Variants in HOXB13 observed in about 807,000 individuals in gnomAD.
HOXB13 encodes the protein homeobox B13.
HOXB13 carries 22 observed loss-of-function variants against 23.1 expected under a neutral mutation model. That is an observed-to-expected ratio of 0.95 (90% CI 0.68 to 1.36). The LOEUF (loss-of-function observed/expected upper bound fraction) is 1.36. Ranked by LOEUF, HOXB13 falls within the 40% of genes most tolerant of loss-of-function variation. HOXB13 has a pLI of 0.00. For missense variants in HOXB13, 386 were observed against 376.2 expected (o/e 1.03, Z -0.22); for synonymous variants, 173 against 157.9 (o/e 1.10, Z -0.72).
At position 48,728,011 on chromosome 17, in the gene HOXB13, A is replaced by G. The variant is rs2038229285; in HGVS notation, c.583T>C (p.Trp195Arg). The G allele has an allele frequency of 6.2e-7, 1 of 1,613,920 alleles. No individual in the cohort carries two copies. The highest frequency in any genetic ancestry group is 1.1e-5 in the South Asian group (1 of 91,082). Reference sequence around the variant, plus strand: ...GAGGTACCTGCAAATGCTGCCTTCCAAAAGGGACCTGGTGGGTTCTGTTCT... The same window carrying G: ...GAGGTACCTGCAAATGCTGCCTTCCGAAAGGGACCTGGTGGGTTCTGTTCT... ...QGEQNPPGPF[W>R]KAAFADSSGQ... The change falls in exon 1 of 2, where the codon TGG becomes CGG. Residue 195 changes from tryptophan to arginine, a missense_variant. Trp to Arg is a moderately radical substitution (Grantham distance 101). Coordinates refer to ENST00000290295, the MANE Select transcript of HOXB13 (RefSeq NM_006361.6).
rs754280897 is a variant in HOXB13 at position 48,728,137 on chromosome 17, C to A, written c.457G>T (p.Gly153Cys). ...YLDVSVVQTL[G>C]APGEPRHDSL... ...TCATGTCGCGGTTCTCCAGGAGCAC[C>A]CAGAGTCTGCACCACAGACACGTCC... Residue 153 changes from glycine (G) to cysteine (C), a missense_variant, in exon 1 of 2, where the codon GGT becomes TGT. Gly to Cys is a radical substitution (Grantham distance 159). Coordinates refer to ENST00000290295, the MANE Select transcript of HOXB13 (RefSeq NM_006361.6). 9 of 1,614,184 alleles carry A rather than the reference C, an allele frequency of 5.6e-6. No individual in the cohort carries two copies. Among genetic ancestry groups the A allele is most frequent in the Non-Finnish European group, 7.6e-6 (9 of 1,180,046 alleles).
rs2038190496 is a variant in HOXB13 at position 48,724,916 on chromosome 17, G to T, written c.*1874C>A. 7 of 362,186 alleles carry T rather than the reference G, an allele frequency of 1.9e-5. 1 individual carries two copies. The highest frequency in any genetic ancestry group is 8.3e-5 in the African/African-American group (4 of 47,970). The allele number at this position is 362,186 out of a possible 1,614,324, so 22.4% of individuals were successfully genotyped here. On this transcript the variant is annotated 3_prime_UTR_variant, in exon 2 of 2. Coordinates refer to ENST00000290295, the MANE Select transcript of HOXB13 (RefSeq NM_006361.6). ...AGGGCCATCTCCGTTAGTGGCGGTG[G>T]CAGCCCCTCTTGTGGCCTTTTTCCT...
rs2038213972 is a variant in HOXB13, at chr17:48,726,767, T to G, written c.*23A>C. ...CCCAGGACACCCCCACTTTCGCTCC[T>G]CCCACCCAGGCAAGGAGATCTCTTA... is the stretch of plus-strand genomic sequence containing the variant. On this transcript the variant is annotated 3_prime_UTR_variant, in exon 2 of 2. Transcript: ENST00000290295. The G allele has an allele frequency of 6.2e-7, 1 of 1,610,660 alleles. No individual in the cohort carries two copies. Among genetic ancestry groups the G allele is most frequent in the Non-Finnish European group, 8.5e-7 (1 of 1,177,586 alleles).
At chr17:48,727,190 A>G (rs2038221530) in intron 1 of HOXB13, 147 bp from the exon 2 acceptor site, 1 of 1,012,848 alleles carries the variant, frequency 9.9e-7, no homozygotes, top group African/African-American at 1.6e-5. Flanking sequence ...CCTCCAAAGC[A>G]TACCAGGACA....
chr17:48,726,582 G>A lies in HOXB13; in HGVS notation c.*208C>T. ...CAGGTTCTTTGGGAACCCTGGTGGA[G>A]TGGGCTGTCACATGGGGTTCCGTCT... On this transcript the variant is annotated 3_prime_UTR_variant, in exon 2 of 2. Transcript: ENST00000290295. The A allele has an allele frequency of 1.7e-6, 1 of 597,426 alleles. No individual in the cohort carries two copies. Among genetic ancestry groups the A allele is most frequent in the East Asian group, 2.8e-5 (1 of 35,776 alleles). 37.0% of individuals were successfully genotyped at this position (597,426 alleles called of 1,614,324 possible).
chr17:48,728,260 CCGCGGGGTA>C lies in HOXB13; in HGVS notation c.325_333del (p.Tyr109_Ala111del). On this transcript the variant is annotated inframe_deletion, in exon 1 of 2. Coordinates refer to ENST00000290295, the MANE Select transcript of HOXB13 (RefSeq NM_006361.6). ...TACTCTTCCCCGGCCGTGGGAGTCT[CCGCGGGGTA>C]CGCGGCCAGGGTGGCTGCCTGGGCA... The C allele has an allele frequency of 6.2e-7, 1 of 1,614,192 alleles. No individual in the cohort carries two copies. Among genetic ancestry groups the C allele is most frequent in the Non-Finnish European group, 8.5e-7 (1 of 1,180,042 alleles).
In HOXB13 at chr17:48,728,224, G is replaced by C. The variant is rs1597934325; in HGVS notation, c.370C>G (p.Pro124Ala). The change falls in exon 1 of 2, where the codon CCC becomes GCC. Residue 124 changes from proline (P) to alanine (A), a missense_variant. Pro to Ala is a conservative substitution (Grantham distance 27). Coordinates refer to ENST00000290295, the MANE Select transcript of HOXB13 (RefSeq NM_006361.6). Reference protein sequence around the residue: ...PTAGEEYPSRPTEFAFYPGYP... With the variant: ...PTAGEEYPSRATEFAFYPGYP... ...CCCGGATAGAAGGCAAACTCAGTGG[G>C]GCGGCTGGGGTACTCTTCCCCGGCC... 4 of 1,614,226 alleles carry C rather than the reference G, an allele frequency of 2.5e-6. No individual in the cohort carries two copies. The highest frequency in any genetic ancestry group is 3.4e-6 in the Non-Finnish European group (4 of 1,180,036).
chr17:48,726,733 C>A lies in HOXB13; in HGVS notation c.*57G>T, dbSNP rs141179592. On this transcript the variant is annotated 3_prime_UTR_variant, in exon 2 of 2. Transcript: ENST00000290295. The stretch of plus-strand genomic sequence containing the variant: ...GGCCCCAGCCTGGGCTTGGCAGGTT[C>A]CTGGTCTCCCCAGGACACCCCCACT... 1 of 1,590,782 alleles carries A rather than the reference C, an allele frequency of 6.3e-7. No individual in the cohort carries two copies. Among genetic ancestry groups the A allele is most frequent in the Non-Finnish European group, 8.6e-7 (1 of 1,167,412 alleles).
At chr17:48,727,413 C>T (rs572869602) in intron 1 of HOXB13, among the ~76,000 whole-genome samples, 1 of 151,840 alleles carries the variant, frequency 6.6e-6, no homozygotes, top group East Asian at 1.9e-4. Flanking sequence ...ATTCTGGAAA[C>T]ACGTTTCTGC....
rs2038188651 is a variant in HOXB13, at chr17:48,724,797, CAG to C, written c.*1991_*1992del. On this transcript the variant is annotated 3_prime_UTR_variant, in exon 2 of 2. Transcript: ENST00000290295. ...CTCTGAATTTATTGCGAGTGAAAAACAGAGAAAATCCTCAAGTTTAAGTTTCT... is the reference window on the plus strand; with the variant it reads ...CTCTGAATTTATTGCGAGTGAAAAACAGAAAATCCTCAAGTTTAAGTTTCT... 1 of 659,946 alleles carries C rather than the reference CAG, an allele frequency of 1.5e-6. No individual in the cohort carries two copies. Among genetic ancestry groups the C allele is most frequent in the Non-Finnish European group, 2.1e-6 (1 of 466,670 alleles). The allele number at this position is 659,946 out of a possible 1,614,324, so 40.9% of individuals were successfully genotyped here. A position where few individuals can be genotyped will look rare whatever the true frequency, so the allele number is the denominator to read the frequency against.
chr17:48,724,813 G>T lies in HOXB13; in HGVS notation c.*1977C>A. ...AGTGAAAAACAGAGAAAATCCTCAA[G>T]TTTAAGTTTCTGATAGCAGAGTGTG... On this transcript the variant is annotated 3_prime_UTR_variant, in exon 2 of 2. Coordinates refer to ENST00000290295, the MANE Select transcript of HOXB13 (RefSeq NM_006361.6). 1 of 603,760 alleles carries T rather than the reference G, an allele frequency of 1.7e-6. No homozygotes were observed. Among genetic ancestry groups the T allele is most frequent in the Non-Finnish European group, 2.4e-6 (1 of 415,380 alleles). The allele number at this position is 603,760 out of a possible 1,614,324, so 37.4% of individuals were successfully genotyped here.
At position 48,728,722 on chromosome 17, in the gene HOXB13, C is replaced by T; in HGVS notation, c.-129G>A. 1 of 852,134 alleles carries T rather than the reference C, an allele frequency of 1.2e-6. No homozygotes were observed. Among genetic ancestry groups the T allele is most frequent in the Non-Finnish European group, 1.8e-6 (1 of 551,628 alleles). 52.8% of individuals were successfully genotyped at this position (852,134 alleles called of 1,614,324 possible). A position where few individuals can be genotyped will look rare whatever the true frequency, so the allele number is the denominator to read the frequency against. On this transcript the variant is annotated 5_prime_UTR_variant, in exon 1 of 2. Coordinates refer to ENST00000290295, the MANE Select transcript of HOXB13 (RefSeq NM_006361.6). ...TCCCAGCTCGCAAGTCGCCTGCATT[C>T]GCTCAGCACGGCCGTCTTGACGCAA...
Position 48,724,897 on chromosome 17 carries a change from A to C in HOXB13, c.*1893T>G. On this transcript the variant is annotated 3_prime_UTR_variant, in exon 2 of 2. Coordinates refer to ENST00000290295, the MANE Select transcript of HOXB13 (RefSeq NM_006361.6). Reference sequence around the variant, plus strand: ...ACCCCCAAAGGTCTCTACCAGGGCCATCTCCGTTAGTGGCGGTGGCAGCCC... The same window carrying C: ...ACCCCCAAAGGTCTCTACCAGGGCCCTCTCCGTTAGTGGCGGTGGCAGCCC... 2.6e-6 allele frequency: 1 copy of C among 382,996 alleles called. No individual in the cohort carries two copies. The highest frequency in any genetic ancestry group is 4.6e-6 in the Non-Finnish European group (1 of 218,382). The allele number at this position is 382,996 out of a possible 1,614,324, so 23.7% of individuals were successfully genotyped here. A position where few individuals can be genotyped will look rare whatever the true frequency, so the allele number is the denominator to read the frequency against.
At position 48,728,087 on chromosome 17, in the gene HOXB13, G is replaced by GT. The variant is rs774435019; in HGVS notation, c.506dup (p.Tyr169Ter). Reference protein sequence around the residue: ...RHDSLLPVDSYQSWALAGGWN... With the variant: ...RHDSLLPVDS ...AGCCACCAGCGAGAGCCCAAGACTG[G>GT]TAACTGTCCACAGGCAACAGGGAGT... Residue 169 changes from tyrosine to a stop codon, truncating the protein, a stop_gained and frameshift_variant, in exon 1 of 2, where the codon TAC (tyrosine) becomes TAAC (stop). Transcript: ENST00000290295. LOFTEE classifies it high-confidence loss of function. The GT allele has an allele frequency of 6.2e-7, 1 of 1,614,216 alleles. No homozygotes were observed.
At position 48,726,613 on chromosome 17, in the gene HOXB13, C is replaced by T. The variant is rs902315223; in HGVS notation, c.*177G>A. Reference sequence around the variant, plus strand: ...TGTCACATGGGGTTCCGTCTCCCTGCACATACTGGGTACCCAGGCCGCTCC... The same window carrying T: ...TGTCACATGGGGTTCCGTCTCCCTGTACATACTGGGTACCCAGGCCGCTCC... On this transcript the variant is annotated 3_prime_UTR_variant, in exon 2 of 2. Coordinates refer to ENST00000290295, the MANE Select transcript of HOXB13 (RefSeq NM_006361.6). 1 of 715,756 alleles carries T rather than the reference C, an allele frequency of 1.4e-6. No homozygotes were observed. Among genetic ancestry groups the T allele is most frequent in the African/African-American group, 1.8e-5 (1 of 55,950 alleles). The allele number at this position is 715,756 out of a possible 1,614,324, so 44.3% of individuals were successfully genotyped here.
Position 48,728,479 on chromosome 17 carries a change from C to A in HOXB13, c.115G>T (p.Ala39Ser), listed in dbSNP as rs760874697. 3 of 1,613,218 alleles carry A rather than the reference C, an allele frequency of 1.9e-6. No individual in the cohort carries two copies. The highest frequency in any genetic ancestry group is 4.5e-5 in the East Asian group (2 of 44,878). Residue 39 changes from alanine (A) to serine (S), a missense_variant, in exon 1 of 2, where the codon GCG (alanine) becomes TCG (serine). Transcript: ENST00000290295. ...TTGACAGCAGGCATCAGCGTAGGCGCCGCTGGGTGGCTGGTCAGAGGGGAG... is the reference window on the plus strand; with the variant it reads ...TTGACAGCAGGCATCAGCGTAGGCGACGCTGGGTGGCTGGTCAGAGGGGAG... ...AHSPLTSHPA[A>S]PTLMPAVNYA...
chr17:48,727,162 C>CG, intron 1 of HOXB13, 119 bp from the exon 2 acceptor site: 1 of 1,240,368 alleles, frequency 8.1e-7, no homozygotes, highest in Non-Finnish European at 1.1e-6. Context: ...ACCCTACAGG[C>CG]GCACGTGCAA....
chr17:48,727,149 G>T, intron 1 of HOXB13, 106 bp from the exon 2 acceptor site: 2 of 1,396,664 alleles, frequency 1.4e-6, no homozygotes, highest in South Asian at 2.6e-5. Flanking sequence ...GTGCACACAG[G>T]TCACCCTACA....
intron 1 of HOXB13, 124 bp from the exon 2 acceptor site, chr17:48,727,167 G>A (rs1305451253): frequency 6.9e-6 from 8 of 1,157,502 alleles, no homozygotes; most frequent in Non-Finnish European, 8.5e-6. Context: ...ACAGGCGCAC[G>A]TGCAATCCTG....
Sources: gnomAD v4.1 joint callset for allele counts (sites outside exome capture counted in the v4.1 genomes callset) on GRCh38, gnomAD v4.1.1 for gene constraint, MANE v1.5 for transcripts, NCBI Gene and HGNC (gene_info 2026-07-23, HGNC 2026-07-21) for gene names.